CRAT: variants seen among roughly 807,000 people sequenced by gnomAD.
CRAT encodes carnitine O-acetyltransferase.
CRAT carries 66 observed loss-of-function variants against 73.7 expected under a neutral mutation model. The observed-to-expected ratio is 0.90, with a 90% CI of 0.73 to 1.10. The LOEUF is 1.10. Ranked by LOEUF, CRAT falls within the 50% of genes least tolerant of loss-of-function variation. The probability of loss-of-function intolerance (pLI) is 0.00; values close to 1 mark genes in which losing one functional copy is unlikely to be tolerated. For missense variants in CRAT, 745 were observed against 846.9 expected (o/e 0.88, Z 1.49); for synonymous variants, 321 against 343.2 (o/e 0.94, Z 0.71).
rs370340293 is a variant in CRAT at position 129,097,997 on chromosome 9, G to A, written c.1464+16C>T. ...GCTCAGGCCCAGCTCACCCACCCTC[G>A]CCCCAGACCTCTCACCGTGACGCTG... On this transcript the variant is annotated intron_variant, in intron 11 of 13. Transcript: ENST00000318080. The A allele has an allele frequency of 2.5e-5, 40 of 1,610,086 alleles. No individual in the cohort carries two copies. Among genetic ancestry groups the A allele is most frequent in the Admixed American group, 5.0e-5 (3 of 59,960 alleles).
intron 10 of CRAT, 30 bp from the exon 11 acceptor site, chr9:129,098,178 T>G: frequency 6.2e-7 from 1 of 1,612,926 alleles, no homozygotes; most frequent in East Asian, 2.2e-5. Context: ...AGCACGCCCC[T>G]TGGAGGCGGG....
chr9:129,097,541 T>C (rs1314799000), intron 11 of CRAT, among the ~76,000 whole-genome samples: 3 of 151,950 alleles, frequency 2.0e-5, no homozygotes, highest in Admixed American at 2.0e-4. Flanking sequence ...AAATCCCGTT[T>C]CTACTAAAAA....
intron 11 of CRAT, 60 bp from the exon 12 acceptor site, chr9:129,097,372 A>C: frequency 7.5e-7 from 1 of 1,339,566 alleles, no homozygotes; most frequent in East Asian, 2.6e-5. Flanking sequence ...GGCCCACCTC[A>C]GTAGCCCACC....
chr9:129,096,238 C>T, intron 12 of CRAT, 103 bp from the exon 13 acceptor site: 2 of 1,427,122 alleles, frequency 1.4e-6, no homozygotes, highest in Non-Finnish European at 1.9e-6. Flanking sequence ...GCACTGGCCA[C>T]TCAAAACCAC....
Position 129,107,293 on chromosome 9 carries a change from A to C in CRAT, c.291+521T>G. On this transcript the variant is annotated intron_variant, in intron 2 of 13. Transcript: ENST00000318080. This position sits in a 1 kb window ranked among gnomAD's most constrained non-coding sequence, Gnocchi z 5.0. Reference sequence around the variant, plus strand: ...GTGATCTGCCCGCCTTGGACTCCCAAAGTGCTGGGATTATAGGTGTGAGTC... The same window carrying C: ...GTGATCTGCCCGCCTTGGACTCCCACAGTGCTGGGATTATAGGTGTGAGTC... 3.5e-6 allele frequency: 1 copy of C among 286,386 alleles called. No homozygotes were observed. Among genetic ancestry groups the C allele is most frequent in the Non-Finnish European group, 6.6e-6 (1 of 151,458 alleles). The allele number at this position is 286,386 out of a possible 1,614,324, so 17.7% of individuals were successfully genotyped here. A position where few individuals can be genotyped will look rare whatever the true frequency, so the allele number is the denominator to read the frequency against.
Position 129,103,650 on chromosome 9 carries a change from TG to T in CRAT, c.410+537del, listed in dbSNP as rs553081950. On this transcript the variant is annotated intron_variant, in intron 3 of 13. Coordinates refer to ENST00000318080, the MANE Select transcript of CRAT (RefSeq NM_000755.5). The surrounding 1 kb of genome is among the most constrained non-coding windows in gnomAD (Gnocchi z 4.6). Reference sequence around the variant, plus strand: ...CATGGGGACCAGTGGCTGGAGTTCCTGGGCCTGAACCCCGGCCCTTCCCAGG... The same window carrying T: ...CATGGGGACCAGTGGCTGGAGTTCCTGGCCTGAACCCCGGCCCTTCCCAGG... Among the ~76,000 whole-genome samples, 10 of 152,264 alleles carry T rather than the reference TG, an allele frequency of 6.6e-5. No individual in the cohort carries two copies. The South Asian group carries it at 1.9e-3, about 28-fold the overall frequency.
At chr9:129,100,452 G>A (rs1161103379) in intron 7 of CRAT, 59 bp downstream of exon 7, 9 of 1,532,194 alleles carry the variant, frequency 5.9e-6, no homozygotes, top group African/African-American at 2.7e-5. Context: ...AGGAAGTCCC[G>A]AGGCTGCAGA....
At chr9:129,104,991 C>T (rs1404833633) in intron 2 of CRAT, among the ~76,000 whole-genome samples, 2 of 149,058 alleles carry the variant, frequency 1.3e-5, no homozygotes, top group Non-Finnish European at 3.0e-5. Flanking sequence ...AGCTCCACCT[C>T]CTGGGTTCAC....
intron 2 of CRAT, among the ~76,000 whole-genome samples, chr9:129,104,903 C>CA (rs752954140): frequency 1.9e-5 from 2 of 103,478 alleles, no homozygotes; most frequent in African/African-American, 7.7e-5. Context: ...TGTGCCCGGT[C>CA]TTTTTTTTTT....
At chr9:129,102,259 A>C in intron 5 of CRAT, 141 bp downstream of exon 5, 1 of 1,305,346 alleles carries the variant, frequency 7.7e-7, no homozygotes, top group Non-Finnish European at 1.1e-6. Flanking sequence ...CTGGGCCCCC[A>C]ATGGAGAAGC....
At position 129,100,534 on chromosome 9, in the gene CRAT, G is replaced by T. The variant is rs369950286; in HGVS notation, c.961C>A (p.Arg321Ser). 3.7e-6 allele frequency: 6 copies of T among 1,613,488 alleles called. No homozygotes were observed. In the African/African-American group the frequency reaches 8.0e-5, roughly 22 times the overall value. ...GGGSRLNSGN[R>S]WFDKTLQFIV... ...ACCTGCAGCGTCTTGTCGAACCAGC[G>T]GTTGCCGCTGTTGAGCCTGCTGCCG... Residue 321 changes from arginine to serine, a missense_variant, in exon 7 of 14, where the codon CGC becomes AGC. Arg to Ser is a moderately radical substitution (Grantham distance 110). Transcript: ENST00000318080.
Position 129,110,601 on chromosome 9 carries a change from C to A in CRAT, c.-92G>T. ...GCCGCCGCGGCTGGGGTCGGTGGGT[C>A]CTTGCTAGAGCCTTCGGGCCAAGGT... On this transcript the variant is annotated 5_prime_UTR_variant, in exon 1 of 14. Coordinates refer to ENST00000318080, the MANE Select transcript of CRAT (RefSeq NM_000755.5). The surrounding 1 kb of genome is among the most constrained non-coding windows in gnomAD (Gnocchi z 5.3). 2 of 1,397,530 alleles carry A rather than the reference C, an allele frequency of 1.4e-6. No individual in the cohort carries two copies. Among genetic ancestry groups the A allele is most frequent in the South Asian group, 1.4e-5 (1 of 70,164 alleles). The allele number at this position is 1,397,530 out of a possible 1,614,324, so 86.6% of individuals were successfully genotyped here. A position where few individuals can be genotyped will look rare whatever the true frequency, so the allele number is the denominator to read the frequency against.
chr9:129,098,816 C>CT (rs58400805), intron 8 of CRAT, among the ~76,000 whole-genome samples, 166 bp from the exon 9 acceptor site: 1 of 127,564 alleles, frequency 7.8e-6, no homozygotes, highest in African/African-American at 3.1e-5. Flanking sequence ...TTTCTTTTTT[C>CT]TTTTTTTTTT....
chr9:129,110,608 A>G lies in CRAT; in HGVS notation c.-99T>C, dbSNP rs1324793254. On this transcript the variant is annotated 5_prime_UTR_variant, in exon 1 of 14. Transcript: ENST00000318080. This position sits in a 1 kb window ranked among gnomAD's most constrained non-coding sequence, Gnocchi z 5.3. ...CGGCTGGGGTCGGTGGGTCCTTGCT[A>G]GAGCCTTCGGGCCAAGGTCGCTGAG... The G allele has an allele frequency of 1.5e-6, 2 of 1,353,396 alleles. No individual in the cohort carries two copies. Among genetic ancestry groups the G allele is most frequent in the Non-Finnish European group, 1.9e-6 (2 of 1,027,782 alleles). The allele number at this position is 1,353,396 out of a possible 1,614,324, so 83.8% of individuals were successfully genotyped here. A position where few individuals can be genotyped will look rare whatever the true frequency, so the allele number is the denominator to read the frequency against.
intron 1 of CRAT, chr9:129,108,566 T>G: frequency 9.1e-7 from 1 of 1,096,560 alleles, no homozygotes; most frequent in Non-Finnish European, 1.2e-6. Flanking sequence ...GCCTTGGGCT[T>G]CCTCCTGCCT....
In CRAT at chr9:129,102,556, C is replaced by T. The variant is rs768003396; in HGVS notation, c.474G>A (p.Leu158=). 4.3e-6 allele frequency: 7 copies of T among 1,614,016 alleles called. No individual in the cohort carries two copies. The Admixed American group carries it at 6.7e-5, about 15-fold the overall frequency. The part of the protein sequence containing the change: ...DFKVMIDNET[L]PVEYLGGKPL... Reference sequence around the variant, plus strand: ...GCTTCCCCCCCAGGTACTCCACGGGCAGGGTCTCGCTATGGGGTAGAGGGG... The same window carrying T: ...GCTTCCCCCCCAGGTACTCCACGGGTAGGGTCTCGCTATGGGGTAGAGGGG... The change falls in exon 5 of 14, where the codon CTG becomes CTA. Residue 158 remains leucine (L), a synonymous_variant. Transcript: ENST00000318080.
At chr9:129,104,104 A>C in intron 3 of CRAT, 84 bp downstream of exon 3, 1 of 868,410 alleles carries the variant, frequency 1.2e-6, no homozygotes. Context: ...AAAGATAAAC[A>C]GGGTCGGGGC....
chr9:129,101,638 C>T (rs1175461684), intron 6 of CRAT, among the ~76,000 whole-genome samples: 1 of 152,232 alleles, frequency 6.6e-6, no homozygotes, highest in Non-Finnish European at 1.5e-5. Flanking sequence ...ACTGTTTCGC[C>T]CTGAACATGT....
chr9:129,095,281 G>T lies in CRAT; in HGVS notation c.*116C>A. On this transcript the variant is annotated 3_prime_UTR_variant, in exon 14 of 14. Transcript: ENST00000318080. ...ATGCGGTCCGTGGCTCAGTAGATTT[G>T]GGGGGACCAGGGAAGAGGGAACCAA... The T allele has an allele frequency of 8.8e-7, 1 of 1,133,014 alleles. No individual in the cohort carries two copies. Among genetic ancestry groups the T allele is most frequent in the Non-Finnish European group, 1.3e-6 (1 of 790,942 alleles). 70.2% of individuals were successfully genotyped at this position (1,133,014 alleles called of 1,614,324 possible).
Sources: allele counts gnomAD v4.1 joint callset (sites outside exome capture counted in the v4.1 genomes callset), GRCh38; gene constraint gnomAD v4.1.1; non-coding constraint Gnocchi (gnomAD v3.1); transcripts MANE v1.5; gene names NCBI Gene and HGNC (gene_info 2026-07-23, HGNC 2026-07-21).